APBB2: variants seen among roughly 807,000 people sequenced by gnomAD.
The protein encoded by APBB2 is Fe65-like 1.
A neutral mutation model predicts 82.5 loss-of-function variants in APBB2; 38 were observed. That is an observed-to-expected ratio of 0.46 (90% CI 0.36 to 0.60). The LOEUF (loss-of-function observed/expected upper bound fraction) is 0.60. Among genes scored for constraint, APBB2 ranks in the 20% least tolerant of loss-of-function variants. APBB2 has a pLI of 0.00. For missense variants in APBB2, 772 were observed against 972.3 expected (o/e 0.79, Z 2.74); for synonymous variants, 341 against 368.2 (o/e 0.93, Z 0.85).
chr4:41,165,872 C>CTTTTTT (rs148637668), intron 1 of APBB2, among the ~76,000 whole-genome samples: 1 of 116,508 alleles, frequency 8.6e-6, no homozygotes, highest in Non-Finnish European at 1.7e-5. Context: ...GTCAGGCCCC[C>CTTTTTT]TTTTTTTTTT....
chr4:40,960,022 G>A (rs1012232606), intron 6 of APBB2, among the ~76,000 whole-genome samples: 10 of 152,212 alleles, frequency 6.6e-5, no homozygotes, highest in South Asian at 4.1e-4. Flanking sequence ...CATCCTATTC[G>A]TTAAGTGTAT....
chr4:40,829,820 C>T (rs144072442), intron 13 of APBB2, among the ~76,000 whole-genome samples: 5 of 152,268 alleles, frequency 3.3e-5, no homozygotes, highest in Non-Finnish European at 5.9e-5. Flanking sequence ...TAGCATGAGA[C>T]CACAGTCTTG....
intron 12 of APBB2, among the ~76,000 whole-genome samples, chr4:40,857,613 G>T (rs183305998): frequency 2.0e-5 from 3 of 151,582 alleles, no homozygotes; most frequent in Admixed American, 2.0e-4. Context: ...TGGGATTACA[G>T]GCGCCCGCCA....
intron 1 of APBB2, among the ~76,000 whole-genome samples, chr4:41,208,841 T>C (rs1409309384): frequency 3.3e-5 from 5 of 152,210 alleles, no homozygotes; most frequent in Non-Finnish European, 4.4e-5. Flanking sequence ...TTTGTCCATG[T>C]GAATCTGTAC....
chr4:41,045,372 C>T (rs977951380), intron 4 of APBB2, among the ~76,000 whole-genome samples: 14 of 152,128 alleles, frequency 9.2e-5, no homozygotes, highest in African/African-American at 3.1e-4. Flanking sequence ...CGGCTCACTG[C>T]AAGCTCCGCC....
chr4:41,163,475 G>C (rs144243206), intron 1 of APBB2, among the ~76,000 whole-genome samples: 1 of 152,312 alleles, frequency 6.6e-6, no homozygotes, highest in East Asian at 1.9e-4. Flanking sequence ...CAGGAGGCAG[G>C]AGGAGTAAAA....
chr4:41,046,552 A>G (rs1723492423), intron 4 of APBB2, among the ~76,000 whole-genome samples: 2 of 152,224 alleles, frequency 1.3e-5, no homozygotes, highest in African/African-American at 4.8e-5. Context: ...GAGAAAACAT[A>G]AGAGATGAAC....
chr4:40,975,437 A>G (rs1175506183), intron 6 of APBB2, among the ~76,000 whole-genome samples: 1 of 152,218 alleles, frequency 6.6e-6, no homozygotes, highest in Admixed American at 6.5e-5. Context: ...AGTACTAATC[A>G]CAACCATTTT....
chr4:41,048,477 A>T (rs552755682), intron 4 of APBB2, among the ~76,000 whole-genome samples: 1 of 152,316 alleles, frequency 6.6e-6, no homozygotes, highest in East Asian at 1.9e-4. Context: ...CACTCCATGG[A>T]GAGAAAACTA....
chr4:40,907,348 C>CATATATATAT (rs56302731), intron 10 of APBB2, among the ~76,000 whole-genome samples: 2 of 97,328 alleles, frequency 2.1e-5, no homozygotes, highest in Non-Finnish European at 3.8e-5. Context: ...TAATATATTA[C>CATATATATAT]ATATATATAT....
At chr4:40,837,347 G>A (rs929631780) in intron 12 of APBB2, among the ~76,000 whole-genome samples, 4 of 152,204 alleles carry the variant, frequency 2.6e-5, no homozygotes, top group African/African-American at 4.8e-5. Flanking sequence ...CTATCCTTCC[G>A]TTAGCACTTC....
At chr4:41,168,863 A>T (rs949654141) in intron 1 of APBB2, among the ~76,000 whole-genome samples, 15 of 152,334 alleles carry the variant, frequency 9.8e-5, no homozygotes, top group African/African-American at 3.6e-4. Flanking sequence ...GGTAAGGAAG[A>T]GGACAGAAAG....
intron 2 of APBB2, among the ~76,000 whole-genome samples, chr4:41,132,819 G>GA: frequency 6.6e-6 from 1 of 151,574 alleles, no homozygotes; most frequent in Non-Finnish European, 1.5e-5. Context: ...ATGAACATTA[G>GA]AAAAAAATTG....
intron 10 of APBB2, among the ~76,000 whole-genome samples, chr4:40,901,406 G>C (rs1775246236): frequency 6.6e-6 from 1 of 152,088 alleles, no homozygotes; most frequent in African/African-American, 2.4e-5. Flanking sequence ...GATACCCCTA[G>C]GTGGTGGGGG....
intron 1 of APBB2, among the ~76,000 whole-genome samples, chr4:41,198,771 A>G (rs1580781024): frequency 1.3e-5 from 2 of 152,300 alleles, no homozygotes; most frequent in South Asian, 2.1e-4. Context: ...TGATCCCTCC[A>G]AAGTCTTCAG....
chr4:41,159,663 T>C (rs1231702413), intron 1 of APBB2, among the ~76,000 whole-genome samples: 1 of 152,072 alleles, frequency 6.6e-6, no homozygotes, highest in Non-Finnish European at 1.5e-5. Context: ...ACTTTTCCCT[T>C]ACTAGGAAAT....
At chr4:40,890,218 T>C in intron 12 of APBB2, 146 bp downstream of exon 12, 1 of 1,127,644 alleles carries the variant, frequency 8.9e-7, no homozygotes, top group Non-Finnish European at 1.2e-6. Flanking sequence ...GGCAGGGAAC[T>C]AGAGACAAGC....
chr4:41,077,117 A>T (rs1046767246), intron 3 of APBB2, among the ~76,000 whole-genome samples: 6 of 149,342 alleles, frequency 4.0e-5, no homozygotes, highest in African/African-American at 1.5e-4. Context: ...TGATCCTCCC[A>T]CCTCAACTTC....
intron 4 of APBB2, among the ~76,000 whole-genome samples, chr4:41,064,488 C>T (rs1731006592): frequency 6.6e-6 from 1 of 152,224 alleles, no homozygotes; most frequent in African/African-American, 2.4e-5. Flanking sequence ...CAAAATTCCA[C>T]AGGTTCCAAA....
Sources: allele counts gnomAD v4.1 joint callset (sites outside exome capture counted in the v4.1 genomes callset), GRCh38; gene constraint gnomAD v4.1.1; transcripts MANE v1.5; gene names NCBI Gene and HGNC (gene_info 2026-07-23, HGNC 2026-07-21).